Variants in RIC8B observed in about 807,000 individuals in gnomAD.
RIC8B encodes the protein RIC8 guanine nucleotide exchange factor B.
RIC8B carries 16 observed loss-of-function variants against 57.5 expected under a neutral mutation model. That is an observed-to-expected ratio of 0.28 (90% CI 0.19 to 0.42). The LOEUF is 0.42. Ranked by LOEUF, RIC8B falls within the 10% of genes least tolerant of loss-of-function variation. The pLI is 1.00. For synonymous variants in RIC8B, 216 were observed against 250.8 expected (o/e 0.86, Z 1.31); for missense variants, 481 against 677.0 (o/e 0.71, Z 3.21).
intron 9 of RIC8B, among the ~76,000 whole-genome samples, chr12:106,877,799 CATT>C (rs1195815560): frequency 6.6e-6 from 1 of 152,096 alleles, no homozygotes; most frequent in Non-Finnish European, 1.5e-5. Flanking sequence ...TTTCTTGAAA[CATT>C]ATGAGATGTT....
chr12:106,816,400 A>G (rs937786653), intron 3 of RIC8B, among the ~76,000 whole-genome samples: 18 of 152,222 alleles, frequency 1.2e-4, no homozygotes, highest in Admixed American at 9.8e-4. Context: ...TATCAGCTCT[A>G]ACAGCTGTTC....
intron 2 of RIC8B, among the ~76,000 whole-genome samples, chr12:106,801,930 G>T (rs1049919028): frequency 6.6e-6 from 1 of 152,084 alleles, no homozygotes; most frequent in African/African-American, 2.4e-5. Context: ...CTACATACAC[G>T]TGCTGTATAC....
At chr12:106,826,026 T>C (rs149887290) in intron 4 of RIC8B, among the ~76,000 whole-genome samples, 106 of 152,328 alleles carry the variant, frequency 7.0e-4, no homozygotes, top group African/African-American at 2.4e-3. Context: ...CTTTGTTATA[T>C]TGAGGCTCAA....
chr12:106,819,504 C>A (rs2045741112), intron 3 of RIC8B, among the ~76,000 whole-genome samples: 1 of 152,016 alleles, frequency 6.6e-6, no homozygotes, highest in Non-Finnish European at 1.5e-5. Flanking sequence ...GTAATGCTAG[C>A]ACTTTGGGAG....
At chr12:106,776,013 C>T (rs2043460786) in intron 1 of RIC8B, among the ~76,000 whole-genome samples, 2 of 152,086 alleles carry the variant, frequency 1.3e-5, no homozygotes, top group African/African-American at 4.8e-5. Flanking sequence ...GGCTGAATTC[C>T]CGTTTAATCT....
chr12:106,778,582 T>G (rs1281609865), intron 1 of RIC8B, among the ~76,000 whole-genome samples: 3 of 152,210 alleles, frequency 2.0e-5, no homozygotes, highest in African/African-American at 4.8e-5. Flanking sequence ...TCCTCTTATA[T>G]TAATCCTCTT....
chr12:106,848,367 C>T (rs1167845951), intron 6 of RIC8B, among the ~76,000 whole-genome samples: 1 of 152,122 alleles, frequency 6.6e-6, no homozygotes, highest in Admixed American at 6.5e-5. Flanking sequence ...GTTGTAAGGA[C>T]CTTGCCTTTT....
chr12:106,818,565 G>A (rs1236987284), intron 3 of RIC8B, among the ~76,000 whole-genome samples: 12 of 152,078 alleles, frequency 7.9e-5, no homozygotes, highest in Admixed American at 2.6e-4. Context: ...GGCTCAAGCC[G>A]TCCTCCTGAG....
intron 5 of RIC8B, among the ~76,000 whole-genome samples, chr12:106,843,355 G>A (rs1949038129): frequency 6.6e-6 from 1 of 152,132 alleles, no homozygotes; most frequent in Admixed American, 6.5e-5. Flanking sequence ...AAGCCCATGG[G>A]AATCCTAGAA....
chr12:106,780,915 ATAGG>A lies in RIC8B; in HGVS notation c.85-3078_85-3075del, dbSNP rs144680125. ...GCTTATAAAAAATAAGGAAAATTTG[ATAGG>A]TAGTAAAGTTGAATAACTTGACCAA... On this transcript the variant is annotated intron_variant, in intron 1 of 9. Transcript: ENST00000392837. 6.8e-3 allele frequency among the ~76,000 whole-genome samples: 1,038 copies of A among 152,336 alleles called. 12 individuals carry two copies. The highest frequency in any genetic ancestry group is 0.024 in the African/African-American group (998 of 41,578).
At chr12:106,865,221 C>T (rs1297345975) in intron 8 of RIC8B, among the ~76,000 whole-genome samples, 1 of 152,124 alleles carries the variant, frequency 6.6e-6, no homozygotes, top group East Asian at 1.9e-4. Context: ...ATATTCCCAC[C>T]AGCAGTGTAC....
chr12:106,794,413 T>C (rs2044386168), intron 2 of RIC8B, among the ~76,000 whole-genome samples: 1 of 152,218 alleles, frequency 6.6e-6, no homozygotes, highest in Admixed American at 6.5e-5. Flanking sequence ...AATAATGGTT[T>C]AAACTTCCCA....
At position 106,782,300 on chromosome 12, in the gene RIC8B, G is replaced by A. The variant is rs371087126; in HGVS notation, c.85-1697G>A. Among the ~76,000 whole-genome samples the A allele has an allele frequency of 5.9e-5, 9 of 152,132 alleles. No homozygotes were observed. The East Asian group carries it at 1.7e-3, about 29-fold the overall frequency. On this transcript the variant is annotated intron_variant, in intron 1 of 9. Coordinates refer to ENST00000392837, the MANE Select transcript of RIC8B (RefSeq NM_001330145.2). ...GTAGGATAAATTCCTAGGAGTAGGAGTTCTGGGTCAAAGAATATGAATATT... is the reference window on the plus strand; with the variant it reads ...GTAGGATAAATTCCTAGGAGTAGGAATTCTGGGTCAAAGAATATGAATATT...
At chr12:106,848,165 G>A (rs1949292343) in intron 6 of RIC8B, among the ~76,000 whole-genome samples, 1 of 152,206 alleles carries the variant, frequency 6.6e-6, no homozygotes, top group Non-Finnish European at 1.5e-5. Context: ...AGAGAGCCAT[G>A]CAAGTTTCTA....
At chr12:106,789,339 A>G (rs779274400) in intron 2 of RIC8B, among the ~76,000 whole-genome samples, 4 of 151,862 alleles carry the variant, frequency 2.6e-5, no homozygotes, top group Non-Finnish European at 5.9e-5. Context: ...AACTGTTCCA[A>G]CCTCTGCCTG....
intron 1 of RIC8B, 65 bp downstream of exon 1, chr12:106,774,894 C>G: frequency 1.7e-6 from 2 of 1,205,632 alleles, no homozygotes; most frequent in Non-Finnish European, 1.2e-6. Context: ...GCTTGCACAT[C>G]GCATCCTTCC....
intron 3 of RIC8B, among the ~76,000 whole-genome samples, chr12:106,824,308 A>G (rs553178856): frequency 6.6e-6 from 1 of 152,314 alleles, no homozygotes; most frequent in East Asian, 1.9e-4. Flanking sequence ...AGGCTCAGAG[A>G]AACTATACGA....
At chr12:106,882,744 C>T (rs1235253767) in intron 9 of RIC8B, among the ~76,000 whole-genome samples, 1 of 152,084 alleles carries the variant, frequency 6.6e-6, no homozygotes, top group African/African-American at 2.4e-5. Context: ...TGACACCTTT[C>T]CTACAGAAGT....
chr12:106,803,430 CTG>C (rs1393234805), intron 2 of RIC8B, among the ~76,000 whole-genome samples: 1 of 152,094 alleles, frequency 6.6e-6, no homozygotes, highest in East Asian at 1.9e-4. Flanking sequence ...GTTTGTTTGA[CTG>C]TGCAGCTCGT....
Sources: gnomAD v4.1 joint callset for allele counts (sites outside exome capture counted in the v4.1 genomes callset) on GRCh38, gnomAD v4.1.1 for gene constraint, MANE v1.5 for transcripts, NCBI Gene and HGNC (gene_info 2026-07-23, HGNC 2026-07-21) for gene names.